CFAP221: variants seen among roughly 807,000 people sequenced by gnomAD.
The protein encoded by CFAP221 is cilia- and flagella-associated protein 221.
Under a neutral mutation model 113.1 loss-of-function variants are expected in CFAP221, and 97 were observed. The observed-to-expected ratio is 0.86, with a 90% CI of 0.73 to 1.02. The LOEUF is 1.02. Ranked by LOEUF, CFAP221 falls within the 50% of genes least tolerant of loss-of-function variation. The pLI, the probability that CFAP221 is intolerant of heterozygous loss-of-function variation, is 0.00. For missense variants in CFAP221, 1,025 were observed against 1,013.4 expected (o/e 1.01, Z -0.16); for synonymous variants, 331 against 354.4 (o/e 0.93, Z 0.74).
chr2:119,638,211 T>G, intron 19 of CFAP221, 48 bp from the exon 20 acceptor site: 1 of 1,598,652 alleles, frequency 6.3e-7, no homozygotes, highest in Non-Finnish European at 8.6e-7. Context: ...TATGCCTGGC[T>G]TAGAAACTGG....
At chr2:119,561,524 T>A (rs1681245033) in intron 5 of CFAP221, among the ~76,000 whole-genome samples, 1 of 151,692 alleles carries the variant, frequency 6.6e-6, no homozygotes, top group Admixed American at 6.6e-5. Flanking sequence ...AATATGATTA[T>A]CTCCATTTTG....
Position 119,656,423 on chromosome 2 carries a change from A to G in CFAP221, c.2476A>G (p.Arg826Gly). ...KAGEKLLEEM[R>G]NLRGKALNTY... ...CGGAGAGAAGCTGCTCGAGGAGATG[A>G]GGAACCTGCGGGGCAAAGCACTCAA... Residue 826 changes from arginine to glycine, a missense_variant, in exon 24 of 24, where the codon AGG becomes GGG. Transcript: ENST00000413369. 1 of 1,614,056 alleles carries G rather than the reference A, an allele frequency of 6.2e-7. No individual in the cohort carries two copies. The highest frequency in any genetic ancestry group is 8.5e-7 in the Non-Finnish European group (1 of 1,179,968).
In CFAP221 at chr2:119,630,608, C is replaced by G; in HGVS notation, c.1770C>G (p.Phe590Leu). 2 of 1,613,898 alleles carry G rather than the reference C, an allele frequency of 1.2e-6. No individual in the cohort carries two copies. Among genetic ancestry groups the G allele is most frequent in the Non-Finnish European group, 1.7e-6 (2 of 1,179,734 alleles). ...QLYKIKRYQP[F>L]SVHKSSTSYR... ...ACAAAATTAAGAGATATCAGCCATT[C>G]TCTGTCCACAAGTCTTCAACAAGTT... The change falls in exon 18 of 24, where the codon TTC becomes TTG. Residue 590 changes from phenylalanine (F) to leucine (L), a missense_variant. Physicochemically the swap from Phe to Leu is conservative, Grantham distance 22 (BLOSUM62 0). Coordinates refer to ENST00000413369, the MANE Select transcript of CFAP221 (RefSeq NM_001271049.2).
At chr2:119,592,070 T>C (rs925825930) in intron 7 of CFAP221, among the ~76,000 whole-genome samples, 1 of 152,022 alleles carries the variant, frequency 6.6e-6, no homozygotes, top group Non-Finnish European at 1.5e-5. Context: ...ACCGAGAATC[T>C]CATCACTCCA....
rs1685487412 is a variant in CFAP221 at position 119,615,855 on chromosome 2, T to C, written c.1410+146T>C. ...TTGTAAAATGTACATCAGTCATTTT[T>C]AGTATATTTATAGAGCTGGGCAGCC... On this transcript the variant is annotated intron_variant, in intron 14 of 23. Coordinates refer to ENST00000413369, the MANE Select transcript of CFAP221 (RefSeq NM_001271049.2). 8.3e-6 allele frequency: 5 copies of C among 604,612 alleles called. No homozygotes were observed. The East Asian group carries it at 1.6e-4, about 19-fold the overall frequency. 37.5% of individuals were successfully genotyped at this position (604,612 alleles called of 1,614,324 possible). A position where few individuals can be genotyped will look rare whatever the true frequency, so the allele number is the denominator to read the frequency against.
intron 14 of CFAP221, 53 bp from the exon 15 acceptor site, chr2:119,625,530 A>G (rs1686238280): frequency 2.7e-6 from 4 of 1,494,828 alleles, no homozygotes; most frequent in African/African-American, 2.8e-5. Flanking sequence ...TTGAATGCCA[A>G]AATGAGCGTG....
intron 7 of CFAP221, among the ~76,000 whole-genome samples, chr2:119,587,568 A>G (rs2104617908): frequency 2.0e-5 from 3 of 152,266 alleles, no homozygotes; most frequent in Middle Eastern, 6.8e-3. Context: ...ATCTTAGTGA[A>G]GGGTCTGATG....
chr2:119,582,904 T>G, intron 6 of CFAP221, among the ~76,000 whole-genome samples: 1 of 152,212 alleles, frequency 6.6e-6, no homozygotes, highest in African/African-American at 2.4e-5. Context: ...GAAGCAAAGT[T>G]GTTTTTTAGA....
intron 6 of CFAP221, among the ~76,000 whole-genome samples, chr2:119,585,709 G>A (rs911089060): frequency 2.0e-5 from 3 of 152,156 alleles, no homozygotes; most frequent in African/African-American, 7.2e-5. Flanking sequence ...TGTGAGTTAT[G>A]TCATATCCCC....
At chr2:119,608,859 G>A (rs1417018676) in intron 12 of CFAP221, among the ~76,000 whole-genome samples, 4 of 152,198 alleles carry the variant, frequency 2.6e-5, no homozygotes, top group Non-Finnish European at 5.9e-5. Flanking sequence ...TTTTTGAAAA[G>A]TAGCAAAGAG....
At chr2:119,555,585 T>C (rs1680733872) in intron 3 of CFAP221, among the ~76,000 whole-genome samples, 1 of 152,166 alleles carries the variant, frequency 6.6e-6, no homozygotes, top group Admixed American at 6.5e-5. Flanking sequence ...ATATTATTTA[T>C]AACGATCTAA....
At chr2:119,549,496 A>G (rs1680275900) in intron 3 of CFAP221, among the ~76,000 whole-genome samples, 2 of 152,184 alleles carry the variant, frequency 1.3e-5, no homozygotes, top group South Asian at 2.1e-4. Flanking sequence ...AGCTCTGTGG[A>G]GGCTGCATTA....
intron 3 of CFAP221, among the ~76,000 whole-genome samples, chr2:119,551,168 G>T (rs1301896953): frequency 1.3e-5 from 2 of 152,188 alleles, no homozygotes; most frequent in East Asian, 3.8e-4. Context: ...ATGGATGTTG[G>T]ATTGTTTCCA....
chr2:119,593,056 G>A lies in CFAP221; in HGVS notation c.631+5834G>A, dbSNP rs1419375667. Among the ~76,000 whole-genome samples, 3 of 152,170 alleles carry A rather than the reference G, an allele frequency of 2.0e-5. No individual in the cohort carries two copies. In the East Asian group the frequency reaches 5.8e-4, roughly 29 times the overall value. On this transcript the variant is annotated intron_variant, in intron 7 of 23. Coordinates refer to ENST00000413369, the MANE Select transcript of CFAP221 (RefSeq NM_001271049.2). ...CTAGTAAAACCTTGAATGTTTTCAT[G>A]TTCTATTTGCTTTGTTCTCTTCCTC...
intron 3 of CFAP221, among the ~76,000 whole-genome samples, chr2:119,557,958 C>CAAAAAAAAAAA: frequency 9.6e-6 from 1 of 104,026 alleles, no homozygotes; most frequent in Non-Finnish European, 2.0e-5. Flanking sequence ...GACTCCGTCT[C>CAAAAAAAAAAA]AAAAAAAAAA....
rs747424230 is a variant in CFAP221, at chr2:119,625,542, G to C, written c.1411-41G>C. On this transcript the variant is annotated intron_variant, in intron 14 of 23. Coordinates refer to ENST00000413369, the MANE Select transcript of CFAP221 (RefSeq NM_001271049.2). ...AGGTTGAATGCCAAAATGAGCGTGTGTTGATTAATAATTTGAAATCATTAT... is the reference window on the plus strand; with the variant it reads ...AGGTTGAATGCCAAAATGAGCGTGTCTTGATTAATAATTTGAAATCATTAT... 2.0e-6 allele frequency: 3 copies of C among 1,532,550 alleles called. No individual in the cohort carries two copies. The African/African-American group carries it at 4.1e-5, about 21-fold the overall frequency. 94.9% of individuals were successfully genotyped at this position (1,532,550 alleles called of 1,614,324 possible).
At chr2:119,587,068 C>T (rs1683271843) in intron 6 of CFAP221, 51 bp from the exon 7 acceptor site, 1 of 1,327,970 alleles carries the variant, frequency 7.5e-7, no homozygotes, top group Non-Finnish European at 1.0e-6. Flanking sequence ...CCAAAAGAAC[C>T]AGTTATAAAG....
intron 7 of CFAP221, among the ~76,000 whole-genome samples, chr2:119,595,631 G>A (rs1174674501): frequency 6.6e-6 from 1 of 152,062 alleles, no homozygotes; most frequent in African/African-American, 2.4e-5. Flanking sequence ...CACTGGTATA[G>A]GCATTGGGTA....
chr2:119,596,800 A>G (rs1028846913), intron 7 of CFAP221, among the ~76,000 whole-genome samples: 2 of 152,192 alleles, frequency 1.3e-5, no homozygotes, highest in Admixed American at 6.5e-5. Context: ...ACAGTATCCA[A>G]AAGCCCTCAG....
Sources: gnomAD v4.1 joint callset for allele counts (sites outside exome capture counted in the v4.1 genomes callset) on GRCh38, gnomAD v4.1.1 for gene constraint, MANE v1.5 for transcripts, NCBI Gene and HGNC (gene_info 2026-07-23, HGNC 2026-07-21) for gene names.